The following TH variants were observed in gnomAD, a reference collection of about 807,000 sequenced individuals.
TH encodes the protein tyrosine hydroxylase, also known as tyrosine 3-monooxygenase.
A neutral mutation model predicts 57.4 loss-of-function variants in TH; 49 were observed. The ratio of observed to expected loss-of-function variants is 0.85; its 90% confidence interval spans 0.68 to 1.08. TH has a LOEUF of 1.08. Among genes scored for constraint, TH ranks in the 50% least tolerant of loss-of-function variants. The probability of loss-of-function intolerance (pLI) is 0.00; values close to 1 mark genes in which losing one functional copy is unlikely to be tolerated. For synonymous variants in TH, 330 were observed against 304.5 expected (o/e 1.08, Z -0.87); for missense variants, 720 against 696.7 (o/e 1.03, Z -0.38).
intron 12 of TH, 135 bp from the exon 13 acceptor site, chr11:2,164,527 CA>C: frequency 9.7e-7 from 1 of 1,034,888 alleles, no homozygotes; most frequent in Non-Finnish European, 1.3e-6. Context: ...GCCAACTGGT[CA>C]CAGGCGGGAC....
At chr11:2,167,998 C>T in intron 4 of TH, 65 bp from the exon 5 acceptor site, 1 of 1,609,818 alleles carries the variant, frequency 6.2e-7, no homozygotes, top group Non-Finnish European at 8.5e-7. Flanking sequence ...GCCACGGAGG[C>T]TCCTGGAGCC....
Position 2,167,394 on chromosome 11 carries a change from C to T in TH, c.695+41G>A, listed in dbSNP as rs201902555. The T allele has an allele frequency of 1.9e-5, 30 of 1,549,310 alleles. No individual in the cohort carries two copies. The East Asian group carries it at 5.6e-4, about 29-fold the overall frequency. ...CACGCCAGGATTCCAGGAGGCATCCCCCGGGCTCCTCCCCAGCCCCTAGCT... is the reference window on the plus strand; with the variant it reads ...CACGCCAGGATTCCAGGAGGCATCCTCCGGGCTCCTCCCCAGCCCCTAGCT... On this transcript the variant is annotated intron_variant, in intron 6 of 12. Coordinates refer to ENST00000352909, the MANE Select transcript of TH (RefSeq NM_000360.4).
At chr11:2,165,521 C>G in intron 11 of TH, 147 bp downstream of exon 11, 1 of 1,367,382 alleles carries the variant, frequency 7.3e-7, no homozygotes, top group Non-Finnish European at 1.0e-6. Context: ...GGGGTGAGGA[C>G]TGGGCAGAGA....
rs6357 is a variant in TH at position 2,167,008 on chromosome 11, C to T, written c.720G>A (p.Lys240=). Residue 240 remains lysine, a synonymous_variant, in exon 7 of 13, where the codon AAG becomes AAA. Coordinates refer to ENST00000352909, the MANE Select transcript of TH (RefSeq NM_000360.4). ...CGCAGGCGTGCGTGGCGTAGAGGCC[C>T]TTCAGCGTGGTGTAGACCTCCTTCC... ...ATWKEVYTTL[K]GLYATHACGE... is the part of the protein sequence containing the mutation. The T allele has an allele frequency of 0.29, 452,107 of 1,585,578 alleles. 69,592 individuals carry two copies. The highest frequency in any genetic ancestry group is 0.32 in the Non-Finnish European group (376,841 of 1,166,066).
chr11:2,170,444 T>C lies in TH; in HGVS notation c.91-573A>G, dbSNP rs944460454. On this transcript the variant is annotated intron_variant, in intron 1 of 12. Coordinates refer to ENST00000352909, the MANE Select transcript of TH (RefSeq NM_000360.4). The surrounding 1 kb of genome is among the most constrained non-coding windows in gnomAD (Gnocchi z 6.0). ...GCTGCCTTGTCATCCCTCCACCCTT[T>C]GTCATAGCTCTGGGCGCAGGTGTCT... Among the ~76,000 whole-genome samples the C allele has an allele frequency of 2.3e-4, 35 of 152,080 alleles. No individual in the cohort carries two copies. The highest frequency in any genetic ancestry group is 1.4e-3 in the Admixed American group (21 of 15,284).
chr11:2,167,371 C>T (rs1393728911), intron 6 of TH, 64 bp downstream of exon 6: 9 of 1,534,370 alleles, frequency 5.9e-6, no homozygotes, highest in East Asian at 2.4e-5. Flanking sequence ...GGCCCTCACA[C>T]GCCAGGATTC....
intron 6 of TH, 64 bp downstream of exon 6, chr11:2,167,370 AC>A: frequency 6.5e-7 from 1 of 1,530,564 alleles, no homozygotes; most frequent in Non-Finnish European, 8.9e-7. Context: ...CGGCCCTCAC[AC>A]GCCAGGATTC....
At chr11:2,167,371 C>A in intron 6 of TH, 64 bp downstream of exon 6, 1 of 1,534,374 alleles carries the variant, frequency 6.5e-7, no homozygotes, top group Non-Finnish European at 8.8e-7. Flanking sequence ...GGCCCTCACA[C>A]GCCAGGATTC....
rs770167236 is a variant in TH, at chr11:2,168,554, C to A, written c.424G>T (p.Ala142Ser). ...TGGCGCACACCACTGAGCAGGGCGGCCAGGTCCCCTCGGCGCACCTCGAGG... is the reference window on the plus strand; with the variant it reads ...TGGCGCACACCACTGAGCAGGGCGGACAGGTCCCCTCGGCGCACCTCGAGG... ...VRLEVRRGDL[A>S]ALLSGVRQVS... Residue 142 changes from alanine to serine, a missense_variant, in exon 3 of 13, where the codon GCC becomes TCC. Physicochemically the swap from Ala to Ser is moderately conservative, Grantham distance 99 (BLOSUM62 1). Transcript: ENST00000352909. 6.8e-6 allele frequency: 11 copies of A among 1,612,016 alleles called. No homozygotes were observed. Among genetic ancestry groups the A allele is most frequent in the Non-Finnish European group, 9.3e-6 (11 of 1,179,722 alleles).
chr11:2,165,789 C>T, intron 10 of TH, 26 bp from the exon 11 acceptor site: 1 of 1,606,426 alleles, frequency 6.2e-7, no homozygotes, highest in South Asian at 1.1e-5. Flanking sequence ...GCAGCATCAG[C>T]CCAGAGACAG....
Position 2,169,827 on chromosome 11 carries a change from G to A in TH, c.135C>T (p.Ala45=), listed in dbSNP as rs1488262765. ...IGRRQSLIED[A]RKEREAAVAA... ...CCACCGCCGCCTCCCGCTCCTTGCGGGCGTCCTCGATGAGGCTCTGCCTGC... is the reference window on the plus strand; with the variant it reads ...CCACCGCCGCCTCCCGCTCCTTGCGAGCGTCCTCGATGAGGCTCTGCCTGC... The change falls in exon 2 of 13, where the codon GCC becomes GCT. Residue 45 remains alanine, a synonymous_variant. Coordinates refer to ENST00000352909, the MANE Select transcript of TH (RefSeq NM_000360.4). 2.5e-6 allele frequency: 4 copies of A among 1,611,010 alleles called. No individual in the cohort carries two copies. Among genetic ancestry groups the A allele is most frequent in the Non-Finnish European group, 3.4e-6 (4 of 1,179,658 alleles).
chr11:2,169,770 G>C lies in TH; in HGVS notation c.192C>G (p.Pro64=). ...AGGCCACAGCCTCCAGGGGGTCCCCGGGCTCCGAGGGGACTGCAGCGGCCG... is the reference window on the plus strand; with the variant it reads ...AGGCCACAGCCTCCAGGGGGTCCCCCGGCTCCGAGGGGACTGCAGCGGCCG... ...AAAAAAVPSE[P]GDPLEAVAFE... The change falls in exon 2 of 13, where the codon CCC becomes CCG. Residue 64 remains proline (P), a synonymous_variant. Coordinates refer to ENST00000352909, the MANE Select transcript of TH (RefSeq NM_000360.4). 6.2e-7 allele frequency: 1 copy of C among 1,611,782 alleles called. No individual in the cohort carries two copies. Among genetic ancestry groups the C allele is most frequent in the Non-Finnish European group, 8.5e-7 (1 of 1,179,528 alleles).
chr11:2,165,573 G>C, intron 11 of TH, 95 bp downstream of exon 11: 1 of 1,409,966 alleles, frequency 7.1e-7, no homozygotes, highest in Non-Finnish European at 9.9e-7. Flanking sequence ...GGAGGTCCAG[G>C]CCTCAGTTTC....
chr11:2,167,089 C>A, intron 6 of TH, 57 bp from the exon 7 acceptor site: 1 of 1,545,584 alleles, frequency 6.5e-7, no homozygotes, highest in East Asian at 2.4e-5. Flanking sequence ...CCGAAACCCC[C>A]CTCCTGAACT....
At chr11:2,165,639 T>C in intron 11 of TH, 29 bp downstream of exon 11, 1 of 1,608,968 alleles carries the variant, frequency 6.2e-7, no homozygotes, top group Middle Eastern at 1.7e-4. Context: ...GCCCCTCTGC[T>C]GGGGGCTGCA....
At position 2,170,687 on chromosome 11, in the gene TH, T is replaced by C; in HGVS notation, c.91-816A>G. On this transcript the variant is annotated intron_variant, in intron 1 of 12. Transcript: ENST00000352909. The surrounding 1 kb of genome is among the most constrained non-coding windows in gnomAD (Gnocchi z 6.0). The stretch of plus-strand genomic sequence containing the variant: ...GCCCCTCCCAGAGTCCCCTCTTACT[T>C]ACCCTTGGGGTGGGGGTGTAGGATG... 23 of 1,603,052 alleles carry C rather than the reference T, an allele frequency of 1.4e-5. No homozygotes were observed. Among genetic ancestry groups the C allele is most frequent in the Non-Finnish European group, 2.0e-5 (23 of 1,175,922 alleles).
chr11:2,169,257 A>G (rs1428726763), intron 2 of TH, among the ~76,000 whole-genome samples: 1 of 151,024 alleles, frequency 6.6e-6, no homozygotes, highest in Non-Finnish European at 1.5e-5. Context: ...GTGGGGCCGG[A>G]GTGACTAATG....
chr11:2,167,101 TG>T, intron 6 of TH, 69 bp from the exon 7 acceptor site: 1 of 1,538,172 alleles, frequency 6.5e-7, no homozygotes, highest in Non-Finnish European at 8.8e-7. Context: ...TCCTGAACTG[TG>T]GGTGCCTCTG....
Position 2,170,681 on chromosome 11 carries a change from C to T in TH, c.91-810G>A. On this transcript the variant is annotated intron_variant, in intron 1 of 12. Coordinates refer to ENST00000352909, the MANE Select transcript of TH (RefSeq NM_000360.4). This position sits in a 1 kb window ranked among gnomAD's most constrained non-coding sequence, Gnocchi z 6.0. Reference sequence around the variant, plus strand: ...GCAGAAGCCCCTCCCAGAGTCCCCTCTTACTTACCCTTGGGGTGGGGGTGT... The same window carrying T: ...GCAGAAGCCCCTCCCAGAGTCCCCTTTTACTTACCCTTGGGGTGGGGGTGT... The T allele has an allele frequency of 2.5e-6, 4 of 1,600,604 alleles. No homozygotes were observed. The highest frequency in any genetic ancestry group is 3.4e-6 in the Non-Finnish European group (4 of 1,174,442).
Sources: gnomAD v4.1 joint callset for allele counts (sites outside exome capture counted in the v4.1 genomes callset) on GRCh38, gnomAD v4.1.1 for gene constraint, Gnocchi (gnomAD v3.1) non-coding constraint, MANE v1.5 for transcripts, NCBI Gene and HGNC (gene_info 2026-07-23, HGNC 2026-07-21) for gene names.